BACE2: variants seen among roughly 807,000 people sequenced by gnomAD.
The protein encoded by BACE2 is beta-secretase 2, also known as 56 kDa aspartic-like protease.
A neutral mutation model predicts 46.2 loss-of-function variants in BACE2; 17 were observed. The observed-to-expected ratio is 0.37, with a 90% confidence interval of 0.25 to 0.55. BACE2 has a LOEUF of 0.55. Among genes scored for constraint, BACE2 ranks in the 20% least tolerant of loss-of-function variants. The pLI is 0.82. For missense variants in BACE2, 595 were observed against 698.1 expected, an observed-to-expected ratio of 0.85 and a Z score of 1.66; for synonymous variants, 277 against 295.9, an observed-to-expected ratio of 0.94 and a Z score of 0.66.
chr21:41,243,263 T>C lies in BACE2; in HGVS notation c.748-113T>C, dbSNP rs559739986. Reference sequence around the variant, plus strand: ...TTTGTTTCATGACATTGTCACGAAGTAGAAGCCCTGATTGCAGTGAAGTTT... The same window carrying C: ...TTTGTTTCATGACATTGTCACGAAGCAGAAGCCCTGATTGCAGTGAAGTTT... On this transcript the variant is annotated intron_variant, in intron 4 of 8. Coordinates refer to ENST00000330333, the MANE Select transcript of BACE2 (RefSeq NM_012105.5). The C allele has an allele frequency of 7.3e-5, 63 of 862,426 alleles. 1 individual carries two copies. The highest frequency in any genetic ancestry group is 9.9e-5 in the Non-Finnish European group (59 of 594,804). 53.4% of individuals were successfully genotyped at this position (862,426 alleles called of 1,614,324 possible).
intron 1 of BACE2, among the ~76,000 whole-genome samples, chr21:41,202,955 A>G (rs925860337): frequency 4.6e-5 from 7 of 152,114 alleles, no homozygotes; most frequent in African/African-American, 1.4e-4. Context: ...TAGTGCAGTG[A>G]CTGAGTCTGG....
At chr21:41,236,949 C>T (rs112031152) in intron 2 of BACE2, among the ~76,000 whole-genome samples, 5 of 152,188 alleles carry the variant, frequency 3.3e-5, no homozygotes, top group Non-Finnish European at 5.9e-5. Context: ...TACACCAGTG[C>T]GTCCCTTCCA....
intron 4 of BACE2, among the ~76,000 whole-genome samples, chr21:41,242,773 T>C (rs1213722195): frequency 6.6e-6 from 1 of 152,194 alleles, no homozygotes; most frequent in African/African-American, 2.4e-5. Context: ...AATCTCAATA[T>C]TGTAAAGCTA....
At chr21:41,176,506 A>G (rs892965332) in intron 1 of BACE2, 3 of 152,260 alleles carry the variant, frequency 2.0e-5, no homozygotes, top group African/African-American at 7.2e-5. Context: ...GGCCCCAGCC[A>G]TTGGACTCTA....
chr21:41,274,512 T>G (rs1294348503), intron 8 of BACE2, among the ~76,000 whole-genome samples: 1 of 152,174 alleles, frequency 6.6e-6, no homozygotes, highest in Non-Finnish European at 1.5e-5. Flanking sequence ...CCTATTTCTT[T>G]TCCGTATTGC....
intron 1 of BACE2, among the ~76,000 whole-genome samples, chr21:41,221,885 C>T (rs967833377): frequency 2.0e-5 from 3 of 149,966 alleles, no homozygotes; most frequent in Non-Finnish European, 4.4e-5. Flanking sequence ...GGCCCTGTTA[C>T]AGGCATGCAC....
intron 1 of BACE2, chr21:41,181,700 G>GA (rs1985132359): frequency 6.0e-6 from 1 of 167,064 alleles, no homozygotes; most frequent in South Asian, 2.1e-4. Context: ...GGGTCCAGGG[G>GA]GGATCCACTA....
At chr21:41,217,302 A>T (rs1479657246) in intron 1 of BACE2, among the ~76,000 whole-genome samples, 1 of 152,104 alleles carries the variant, frequency 6.6e-6, no homozygotes, top group Non-Finnish European at 1.5e-5. Context: ...GCAATTAGTT[A>T]TTTTTTTAGG....
intron 1 of BACE2, among the ~76,000 whole-genome samples, chr21:41,198,292 C>A (rs1250304876): frequency 6.6e-6 from 1 of 152,110 alleles, no homozygotes. Flanking sequence ...TGCCCAGCCC[C>A]CAAAATATAT....
At chr21:41,174,139 C>CTT (rs1328562900) in intron 1 of BACE2, among the ~76,000 whole-genome samples, 45 of 48,478 alleles carry the variant, frequency 9.3e-4, no homozygotes, top group African/African-American at 1.2e-3. Flanking sequence ...GATCAGTGGC[C>CTT]TTTTTTTTTT....
At chr21:41,274,467 T>C (rs2088463895) in intron 8 of BACE2, among the ~76,000 whole-genome samples, 1 of 152,196 alleles carries the variant, frequency 6.6e-6, no homozygotes, top group South Asian at 2.1e-4. Context: ...AATATTCATT[T>C]CTGTGATTAA....
At chr21:41,255,660 G>C (rs1477907426) in intron 7 of BACE2, among the ~76,000 whole-genome samples, 1 of 152,152 alleles carries the variant, frequency 6.6e-6, no homozygotes, top group Non-Finnish European at 1.5e-5. Context: ...GCAGAGAGCA[G>C]CACCTGAGCC....
chr21:41,275,322 G>A (rs1210320410), intron 8 of BACE2, 49 bp from the exon 9 acceptor site: 6 of 1,610,510 alleles, frequency 3.7e-6, no homozygotes, highest in Non-Finnish European at 4.2e-6. Context: ...AATGTGAGAG[G>A]TGGACCGCTC....
Position 41,258,145 on chromosome 21 carries a change from G to GA in BACE2, c.1303+828dup, listed in dbSNP as rs549365128. ...TTTCAAAACAAGATGTCAAGAGACT[G>GA]AAAAAAAAATGGTACATTGGGTTTG... On this transcript the variant is annotated intron_variant, in intron 8 of 8. Transcript: ENST00000330333. Among the ~76,000 whole-genome samples the GA allele has an allele frequency of 8.1e-4, 122 of 150,336 alleles. 1 individual carries two copies. The South Asian group carries it at 0.01, about 13-fold the overall frequency.
chr21:41,195,806 C>T (rs1210957447), intron 1 of BACE2, among the ~76,000 whole-genome samples: 5 of 152,114 alleles, frequency 3.3e-5, no homozygotes, highest in Non-Finnish European at 7.4e-5. Context: ...CAAAGCTTTT[C>T]GAAAAATGTA....
At chr21:41,207,625 C>T (rs58935427) in intron 1 of BACE2, among the ~76,000 whole-genome samples, 6,398 of 152,174 alleles carry the variant, frequency 0.042, 434 homozygotes, top group African/African-American at 0.14. Context: ...TCCCCAACCC[C>T]GCCCCACTGA....
At chr21:41,184,086 C>T (rs773272457) in intron 1 of BACE2, 3 of 167,026 alleles carry the variant, frequency 1.8e-5, no homozygotes, top group Admixed American at 6.5e-5. Flanking sequence ...GTTTAAGCGT[C>T]GTTTCATAGG....
intron 8 of BACE2, among the ~76,000 whole-genome samples, chr21:41,257,721 T>C (rs1476448622): frequency 6.6e-6 from 1 of 152,146 alleles, no homozygotes; most frequent in Non-Finnish European, 1.5e-5. Flanking sequence ...AAATAGGAAA[T>C]GAACACCTAT....
intron 1 of BACE2, among the ~76,000 whole-genome samples, chr21:41,207,561 G>T (rs1986167638): frequency 6.6e-6 from 1 of 152,168 alleles, no homozygotes; most frequent in South Asian, 2.1e-4. Context: ...CAGGGAGAGA[G>T]TGGGACAGTG....
Sources: allele counts gnomAD v4.1 joint callset (sites outside exome capture counted in the v4.1 genomes callset), GRCh38; gene constraint gnomAD v4.1.1; transcripts MANE v1.5; gene names NCBI Gene and HGNC (gene_info 2026-07-23, HGNC 2026-07-21).